EEFSEC: variants seen among roughly 807,000 people sequenced by gnomAD.
The protein encoded by EEFSEC is eukaryotic elongation factor, selenocysteine-tRNA specific, also known as selenocysteine-specific elongation factor.
EEFSEC carries 43 observed loss-of-function variants against 42.1 expected under a neutral mutation model. The observed-to-expected ratio is 1.02, with a 90% CI of 0.80 to 1.32. The LOEUF (loss-of-function observed/expected upper bound fraction) is 1.32. EEFSEC is among the 40% of genes most tolerant of loss of function. The pLI, the probability that EEFSEC is intolerant of heterozygous loss-of-function variation, is 0.00. For missense variants in EEFSEC, 745 were observed against 803.6 expected (o/e 0.93, Z 0.88); for synonymous variants, 354 against 339.1 (o/e 1.04, Z -0.48).
chr3:128,358,357 C>A lies in EEFSEC; in HGVS notation c.1584C>A (p.Phe528Leu). The A allele has an allele frequency of 6.2e-7, 1 of 1,614,234 alleles. No homozygotes were observed. The highest frequency in any genetic ancestry group is 8.5e-7 in the Non-Finnish European group (1 of 1,180,032). ...GTGCCTTCGGCCAGAGCGGCAAGTT[C>A]AAGATCCACATCCCAGGTAAGTGCA... ...IDSAFGQSGKFKIHIPGGLSP... is the reference protein window; with the variant it reads ...IDSAFGQSGKLKIHIPGGLSP... The change falls in exon 6 of 7, where the codon TTC becomes TTA. Residue 528 changes from phenylalanine (F) to leucine (L), a missense_variant. Coordinates refer to ENST00000254730, the MANE Select transcript of EEFSEC (RefSeq NM_021937.5).
chr3:128,420,131 CAA>C, the EEFSEC span, among the ~76,000 whole-genome samples: 9 of 152,102 alleles, frequency 5.9e-5, no homozygotes, highest in African/African-American at 1.2e-4. Context: ...GGGGGAGAAA[CAA>C]AGAGAAAACA....
intron 1 of EEFSEC, among the ~76,000 whole-genome samples, chr3:128,183,632 G>T (rs1175590862): frequency 6.6e-6 from 1 of 152,180 alleles, no homozygotes; most frequent in Non-Finnish European, 1.5e-5. Context: ...AACATTGATA[G>T]CAATACTTAC....
intron 1 of EEFSEC, among the ~76,000 whole-genome samples, chr3:128,235,075 A>AT (rs1237131024): frequency 6.6e-6 from 1 of 151,552 alleles, no homozygotes; most frequent in African/African-American, 2.4e-5. Flanking sequence ...ATTTTATTTT[A>AT]TTTTTTTGAG....
intron 4 of EEFSEC, among the ~76,000 whole-genome samples, chr3:128,275,593 A>T (rs2811528): frequency 6.6e-6 from 1 of 152,152 alleles, no homozygotes; most frequent in African/African-American, 2.4e-5. Context: ...GAAGGCACTG[A>T]GTGAACATGG....
chr3:128,171,876 C>CA (rs1277310286), intron 1 of EEFSEC, among the ~76,000 whole-genome samples: 1 of 146,452 alleles, frequency 6.8e-6, no homozygotes, highest in Non-Finnish European at 1.5e-5. Context: ...AATTCAACAA[C>CA]AAAAAAATGA....
chr3:128,233,340 T>A lies in EEFSEC; in HGVS notation c.317-13496T>A, dbSNP rs139218207. ...AGTGCATTTGAATTTTAAAAAATGA[T>A]ATGATTTAAACATACATGTGAGTAA... On this transcript the variant is annotated intron_variant, in intron 1 of 6. Transcript: ENST00000254730. 1.4e-3 allele frequency among the ~76,000 whole-genome samples: 206 copies of A among 152,396 alleles called. 1 individual carries two copies. The highest frequency in any genetic ancestry group is 4.8e-3 in the African/African-American group (201 of 41,600).
chr3:128,402,479 A>G (rs2107636571), intron 6 of EEFSEC, among the ~76,000 whole-genome samples: 1 of 152,292 alleles, frequency 6.6e-6, no homozygotes, highest in East Asian at 1.9e-4. Context: ...CCGCTCCCTT[A>G]GTGGGTAAGC....
downstream of EEFSEC, among the ~76,000 whole-genome samples, chr3:128,413,521 C>T (rs2068188864): frequency 1.3e-5 from 2 of 152,300 alleles, no homozygotes; most frequent in African/African-American, 2.4e-5. Flanking sequence ...CCCCGAACCC[C>T]TGGCCCACCC....
chr3:128,287,706 G>A (rs979165426), intron 4 of EEFSEC, among the ~76,000 whole-genome samples: 1 of 152,172 alleles, frequency 6.6e-6, no homozygotes. Context: ...ATCAGTTGGG[G>A]ATGCAATAAC....
rs551645913 is a variant in EEFSEC at position 128,196,267 on chromosome 3, C to T, written c.316+42444C>T. Among the ~76,000 whole-genome samples, 8 of 152,314 alleles carry T rather than the reference C, an allele frequency of 5.3e-5. No individual in the cohort carries two copies. In the East Asian group the frequency reaches 1.5e-3, roughly 29 times the overall value. Reference sequence around the variant, plus strand: ...ATCAATTAAATGATGAACATAAACACAAGAAACACACGATTTTCCTTGCTC... The same window carrying T: ...ATCAATTAAATGATGAACATAAACATAAGAAACACACGATTTTCCTTGCTC... On this transcript the variant is annotated intron_variant, in intron 1 of 6. Coordinates refer to ENST00000254730, the MANE Select transcript of EEFSEC (RefSeq NM_021937.5).
chr3:128,164,404 T>C (rs2065224425), intron 1 of EEFSEC, among the ~76,000 whole-genome samples: 1 of 152,182 alleles, frequency 6.6e-6, no homozygotes, highest in Non-Finnish European at 1.5e-5. Context: ...TAGGGAATCC[T>C]GCTGGAGGAG....
chr3:128,228,570 G>T (rs1393658081), intron 1 of EEFSEC, among the ~76,000 whole-genome samples: 4 of 152,024 alleles, frequency 2.6e-5, no homozygotes, highest in Admixed American at 2.0e-4. Flanking sequence ...AGGGAGGAGG[G>T]TCAGGGTTGG....
chr3:128,382,475 T>TTG (rs1256767033), intron 6 of EEFSEC, among the ~76,000 whole-genome samples: 2 of 152,142 alleles, frequency 1.3e-5, no homozygotes, highest in Non-Finnish European at 1.5e-5. Context: ...GCTCACGCTT[T>TTG]TGTGTGTGTG....
At chr3:128,412,905 G>C (rs969292015), downstream of EEFSEC, among the ~76,000 whole-genome samples, 1 of 152,138 alleles carries the variant, frequency 6.6e-6, no homozygotes, top group African/African-American at 2.4e-5. Context: ...CAATGTGGCC[G>C]GACCTCGGGC....
At chr3:128,393,161 A>G (rs1220611776) in intron 6 of EEFSEC, among the ~76,000 whole-genome samples, 1 of 152,244 alleles carries the variant, frequency 6.6e-6, no homozygotes, top group East Asian at 1.9e-4. Flanking sequence ...GGCCCTCCCT[A>G]TCTCAGGCCC....
Position 128,291,039 on chromosome 3 carries a change from C to T in EEFSEC, c.786+26258C>T, listed in dbSNP as rs778835221. ...TGCTGGGATTACAGGCATGAACCACCGTGCCCGGCCTGTTTTATAATTTTA... is the reference window on the plus strand; with the variant it reads ...TGCTGGGATTACAGGCATGAACCACTGTGCCCGGCCTGTTTTATAATTTTA... On this transcript the variant is annotated intron_variant, in intron 4 of 6. Transcript: ENST00000254730. Among the ~76,000 whole-genome samples the T allele has an allele frequency of 4.6e-5, 7 of 152,200 alleles. 1 individual carries two copies. In the South Asian group the frequency reaches 6.2e-4, roughly 14 times the overall value.
At chr3:128,300,468 C>T (rs772973885) in intron 4 of EEFSEC, among the ~76,000 whole-genome samples, 2 of 145,498 alleles carry the variant, frequency 1.4e-5, no homozygotes, top group Non-Finnish European at 3.0e-5. Flanking sequence ...TGGCACGCAC[C>T]TGTAGTCCCA....
At chr3:128,224,522 A>G (rs1430131241) in intron 1 of EEFSEC, among the ~76,000 whole-genome samples, 2 of 152,198 alleles carry the variant, frequency 1.3e-5, no homozygotes, top group African/African-American at 2.4e-5. Context: ...TTTCAAACAT[A>G]CTCAGGACAA....
At chr3:128,163,949 A>C (rs1267860812) in intron 1 of EEFSEC, among the ~76,000 whole-genome samples, 17 of 147,398 alleles carry the variant, frequency 1.2e-4, no homozygotes, top group Admixed American at 8.2e-4. Context: ...AAAAAAAAAA[A>C]AAACAAAACT....
Sources: allele counts gnomAD v4.1 joint callset (sites outside exome capture counted in the v4.1 genomes callset), GRCh38; gene constraint gnomAD v4.1.1; transcripts MANE v1.5; gene names NCBI Gene and HGNC (gene_info 2026-07-23, HGNC 2026-07-21).